Variants in CDC42SE2 observed in about 807,000 individuals in gnomAD.
CDC42SE2 encodes CDC42 small effector protein 2.
In CDC42SE2, 3 loss-of-function variants were observed where a neutral mutation model predicts 11.5. The observed-to-expected ratio is 0.26, with a 90% CI of 0.12 to 0.67. The LOEUF (loss-of-function observed/expected upper bound fraction) is 0.67, where lower values mean the gene tolerates loss of function less well. CDC42SE2 is among the 30% of genes least tolerant of loss of function. The pLI is 0.80. For missense variants in CDC42SE2, 82 were observed against 106.8 expected, an observed-to-expected ratio of 0.77 and a Z score of 1.02; for synonymous variants, 33 against 34.8, an observed-to-expected ratio of 0.95 and a Z score of 0.18.
intron 1 of CDC42SE2, among the ~76,000 whole-genome samples, chr5:131,281,238 C>G (rs1163879351): frequency 1.3e-5 from 2 of 152,118 alleles, no homozygotes; most frequent in African/African-American, 4.8e-5. Context: ...CAGTCTTTTT[C>G]TCTTCAGTAG....
chr5:131,217,574 G>A, the CDC42SE2 span, among the ~76,000 whole-genome samples: 1 of 152,156 alleles, frequency 6.6e-6, no homozygotes, highest in Non-Finnish European at 1.5e-5. Context: ...AATCCATTTT[G>A]AATGGTATGT....
chr5:131,211,368 T>A, the CDC42SE2 span, among the ~76,000 whole-genome samples: 1 of 152,252 alleles, frequency 6.6e-6, no homozygotes, highest in South Asian at 2.1e-4. Flanking sequence ...GGAAAATTCA[T>A]TGTTCCTTTT....
chr5:131,329,105 C>A (rs1386070524), intron 2 of CDC42SE2, among the ~76,000 whole-genome samples: 1 of 152,194 alleles, frequency 6.6e-6, no homozygotes. Flanking sequence ...CTCTCTAAGG[C>A]TTCTGTGCCA....
chr5:131,299,835 A>T (rs1314859128), intron 1 of CDC42SE2, among the ~76,000 whole-genome samples: 1 of 152,186 alleles, frequency 6.6e-6, no homozygotes, highest in African/African-American at 2.4e-5. Context: ...CTATTAATGT[A>T]ATGTTAGTTT....
At chr5:131,275,242 C>G (rs915126879) in intron 1 of CDC42SE2, among the ~76,000 whole-genome samples, 2 of 150,956 alleles carry the variant, frequency 1.3e-5, no homozygotes, top group South Asian at 4.2e-4. Context: ...TTCTTCAATT[C>G]TGAGTGTTGG....
chr5:131,376,037 G>A (rs1414549349), intron 3 of CDC42SE2, among the ~76,000 whole-genome samples: 6 of 151,998 alleles, frequency 3.9e-5, no homozygotes, highest in Admixed American at 6.6e-5. Flanking sequence ...TCAGGAGTTC[G>A]AGACCAGCCT....
At chr5:131,385,501 C>T (rs1351274587) in intron 3 of CDC42SE2, 42 bp from the exon 4 acceptor site, 1 of 1,403,342 alleles carries the variant, frequency 7.1e-7, no homozygotes. Context: ...ATAAGTTGCT[C>T]ATAAGATCAC....
intron 2 of CDC42SE2, among the ~76,000 whole-genome samples, chr5:131,332,677 G>A (rs1486101072): frequency 6.6e-6 from 1 of 152,098 alleles, no homozygotes; most frequent in Non-Finnish European, 1.5e-5. Context: ...GTGTGAGATG[G>A]TATGTCATTG....
the CDC42SE2 span, among the ~76,000 whole-genome samples, chr5:131,211,259 T>C: frequency 6.6e-6 from 1 of 152,258 alleles, no homozygotes. Flanking sequence ...CAGTTGTGTC[T>C]AATCAGCTGT....
chr5:131,257,831 C>G (rs1447417000), intron 2 of CDC42SE2, among the ~76,000 whole-genome samples: 1 of 152,178 alleles, frequency 6.6e-6, no homozygotes, highest in Non-Finnish European at 1.5e-5. Flanking sequence ...GACCATCTAA[C>G]AAGATATTCC....
chr5:131,368,890 T>A (rs1458160861), intron 3 of CDC42SE2, among the ~76,000 whole-genome samples: 1 of 152,196 alleles, frequency 6.6e-6, no homozygotes, highest in Admixed American at 6.5e-5. Flanking sequence ...ATACCAAAAA[T>A]TAATAATTTG....
At chr5:131,255,719 C>G (rs1455125135) in intron 2 of CDC42SE2, 1 of 152,132 alleles carries the variant, frequency 6.6e-6, no homozygotes, top group Non-Finnish European at 1.5e-5. Context: ...GAGATCATGC[C>G]ACCGCACTCC....
intron 1 of CDC42SE2, among the ~76,000 whole-genome samples, chr5:131,312,603 G>A (rs1011866542): frequency 7.2e-5 from 11 of 152,156 alleles, no homozygotes; most frequent in African/African-American, 1.9e-4. Context: ...CTCCGTGGGC[G>A]TAGGACCCTC....
At position 131,290,825 on chromosome 5, in the gene CDC42SE2, T is replaced by C. The variant is rs75966449; in HGVS notation, c.-454-25151T>C. 2.0e-3 allele frequency among the ~76,000 whole-genome samples: 301 copies of C among 152,208 alleles called. 1 individual carries two copies. The highest frequency in any genetic ancestry group is 7.0e-3 in the African/African-American group (290 of 41,538). On this transcript the variant is annotated intron_variant, in intron 1 of 4. Transcript: ENST00000505065. ...AACCAGCGTAGTTTTTATAGTACTT[T>C]ACAGGCCAGCGAACATAGTAATTAG...
At chr5:131,363,069 G>A (rs35085928) in intron 3 of CDC42SE2, among the ~76,000 whole-genome samples, 45 of 151,992 alleles carry the variant, frequency 3.0e-4, no homozygotes, top group African/African-American at 1.0e-3. Flanking sequence ...GCTTGAACCC[G>A]CAAGGTGGAG....
At chr5:131,239,134 TG>T in the CDC42SE2 span, among the ~76,000 whole-genome samples, 2 of 149,982 alleles carry the variant, frequency 1.3e-5, no homozygotes, top group Non-Finnish European at 3.0e-5. Flanking sequence ...CACTCCAGCC[TG>T]GGCGACAGAG....
At chr5:131,353,314 TTC>T (rs1003343866) in intron 2 of CDC42SE2, among the ~76,000 whole-genome samples, 8 of 151,534 alleles carry the variant, frequency 5.3e-5, no homozygotes, top group African/African-American at 9.7e-5. Context: ...CACGGTCTTG[TTC>T]TGTTGCCCGG....
At chr5:131,278,910 G>A (rs893228495) in intron 1 of CDC42SE2, among the ~76,000 whole-genome samples, 1 of 146,252 alleles carries the variant, frequency 6.8e-6, no homozygotes, top group African/African-American at 2.5e-5. Flanking sequence ...TCAGCCTCCC[G>A]AGTAGGTGAG....
At chr5:131,235,037 C>T in the CDC42SE2 span, among the ~76,000 whole-genome samples, 2 of 151,126 alleles carry the variant, frequency 1.3e-5, no homozygotes, top group African/African-American at 2.4e-5. Flanking sequence ...TACAGGCACC[C>T]GCCACCACAC....
Sources: allele counts gnomAD v4.1 joint callset (sites outside exome capture counted in the v4.1 genomes callset), GRCh38; gene constraint gnomAD v4.1.1; transcripts MANE v1.5; gene names NCBI Gene and HGNC (gene_info 2026-07-23, HGNC 2026-07-21).